Variants in TMEM45A observed in about 807,000 individuals in gnomAD.
The protein encoded by TMEM45A is DNA polymerase-transactivated protein 4.
In TMEM45A, 25 loss-of-function variants were observed where a neutral mutation model predicts 32.0. That is an observed-to-expected ratio of 0.78 (90% CI 0.57 to 1.09). The LOEUF (loss-of-function observed/expected upper bound fraction) is 1.09, where lower values mean the gene tolerates loss of function less well. TMEM45A is among the 50% of genes least tolerant of loss of function. TMEM45A has a pLI of 0.00. For synonymous variants in TMEM45A, 122 were observed against 114.8 expected (o/e 1.06, Z -0.40); for missense variants, 302 against 325.0 (o/e 0.93, Z 0.54).
rs529250469 is a variant in TMEM45A at position 100,506,647 on chromosome 3, CT to C, written c.-4+13720del. Among the ~76,000 whole-genome samples the C allele has an allele frequency of 3.9e-3, 588 of 152,316 alleles. 6 individuals carry two copies. The highest frequency in any genetic ancestry group is 0.012 in the African/African-American group (514 of 41,582). ...ATGAGTGTTTCAGAAAATATTTTTT[CT>C]GTGTTTGACACCTTCAACCTTGCCA... On this transcript the variant is annotated intron_variant, in intron 1 of 5. Coordinates refer to ENST00000323523, the MANE Select transcript of TMEM45A (RefSeq NM_018004.3).
chr3:100,556,640 GAGA>G, intron 2 of TMEM45A, 117 bp from the exon 3 acceptor site: 1 of 983,314 alleles, frequency 1.0e-6, no homozygotes, highest in South Asian at 1.5e-5. Flanking sequence ...ACAGCTCAGA[GAGA>G]AGAATTAATG....
chr3:100,513,036 T>G lies in TMEM45A; in HGVS notation c.-4+20108T>G, dbSNP rs1300495803. On this transcript the variant is annotated intron_variant, in intron 1 of 5. Transcript: ENST00000323523. The stretch of plus-strand genomic sequence containing the variant: ...ACCAGATGGATTCACAGCCGAATTC[T>G]ACCAGAGGTACAAGGAGGAACTGGT... Among the ~76,000 whole-genome samples the G allele has an allele frequency of 7.4e-5, 11 of 149,452 alleles. No homozygotes were observed. The East Asian group carries it at 2.0e-3, about 27-fold the overall frequency.
At chr3:100,575,738 C>T (rs2149000090) in intron 5 of TMEM45A, among the ~76,000 whole-genome samples, 1 of 152,310 alleles carries the variant, frequency 6.6e-6, no homozygotes, top group Non-Finnish European at 1.5e-5. Context: ...CTTAATTCAT[C>T]ATGGCAGAGG....
intron 1 of TMEM45A, among the ~76,000 whole-genome samples, chr3:100,521,091 C>T (rs1705428848): frequency 6.6e-6 from 1 of 152,142 alleles, no homozygotes; most frequent in Non-Finnish European, 1.5e-5. Context: ...AAGTTTAGCG[C>T]GTGAAGCTCT....
intron 1 of TMEM45A, among the ~76,000 whole-genome samples, chr3:100,493,591 A>G (rs1001097903): frequency 6.6e-6 from 1 of 151,694 alleles, no homozygotes; most frequent in African/African-American, 2.4e-5. Flanking sequence ...GTATATATAT[A>G]CTATATAGTA....
intron 5 of TMEM45A, chr3:100,570,541 G>A (rs1202905985): frequency 2.0e-5 from 3 of 152,362 alleles, no homozygotes; most frequent in African/African-American, 7.2e-5. Context: ...TCCAAAGCAT[G>A]TGCATGTGCT....
chr3:100,550,113 T>A (rs1416320757), intron 1 of TMEM45A, among the ~76,000 whole-genome samples: 1 of 147,934 alleles, frequency 6.8e-6, no homozygotes, highest in Non-Finnish European at 1.5e-5. Context: ...AGTTAGTGGG[T>A]GCAGCGCACC....
intron 1 of TMEM45A, among the ~76,000 whole-genome samples, chr3:100,519,832 G>A (rs971971466): frequency 6.6e-6 from 1 of 152,162 alleles, no homozygotes; most frequent in African/African-American, 2.4e-5. Flanking sequence ...CTAGCATTGT[G>A]GGTGGATAGG....
At chr3:100,510,031 G>A (rs80091742) in intron 1 of TMEM45A, among the ~76,000 whole-genome samples, 14 of 152,268 alleles carry the variant, frequency 9.2e-5, no homozygotes, top group African/African-American at 2.9e-4. Context: ...AGGTGGCAGC[G>A]AGGTTGGGGG....
At position 100,558,544 on chromosome 3, in the gene TMEM45A, A is replaced by T. The variant is rs146053874; in HGVS notation, c.543A>T (p.Leu181=). 169 of 1,613,966 alleles carry T rather than the reference A, an allele frequency of 1.0e-4. No homozygotes were observed. Among genetic ancestry groups the T allele is most frequent in the Non-Finnish European group, 1.2e-4 (145 of 1,179,978 alleles). The change falls in exon 4 of 6, where the codon CTA becomes CTT. Residue 181 remains leucine, a synonymous_variant. Coordinates refer to ENST00000323523, the MANE Select transcript of TMEM45A (RefSeq NM_018004.3). ...FLVRNNVLLE[L]LRSSLILLQG... ...TTCGGAACAATGTACTTCTGGAGCT[A>T]TTGCGGTCAAGTCTCATTCTGCTTC...
chr3:100,521,085 T>G (rs1252417197), intron 1 of TMEM45A, among the ~76,000 whole-genome samples: 1 of 152,298 alleles, frequency 6.6e-6, no homozygotes, highest in Admixed American at 6.5e-5. Flanking sequence ...GGAGCAAAGT[T>G]TAGCGCGTGA....
chr3:100,513,198 T>C lies in TMEM45A; in HGVS notation c.-4+20270T>C, dbSNP rs1417303667. Among the ~76,000 whole-genome samples the C allele has an allele frequency of 2.5e-3, 376 of 150,760 alleles. 8 individuals are homozygous for C. The East Asian group carries it at 0.067, about 27-fold the overall frequency. The stretch of plus-strand genomic sequence containing the variant: ...AAAAGAGAATTTTAGACCAATATCC[T>C]TGATGAACATCGATGCAAAAATCCT... On this transcript the variant is annotated intron_variant, in intron 1 of 5. Coordinates refer to ENST00000323523, the MANE Select transcript of TMEM45A (RefSeq NM_018004.3).
At chr3:100,553,610 T>TA (rs1706152500) in intron 1 of TMEM45A, among the ~76,000 whole-genome samples, 4 of 152,288 alleles carry the variant, frequency 2.6e-5, no homozygotes, top group African/African-American at 9.6e-5. Context: ...AACACTGTGA[T>TA]AAAGGTGGTG....
intron 4 of TMEM45A, among the ~76,000 whole-genome samples, chr3:100,567,036 C>T (rs575666840): frequency 6.6e-6 from 1 of 151,770 alleles, no homozygotes; most frequent in East Asian, 1.9e-4. Flanking sequence ...CTTTTGGTGT[C>T]GTAGCTTAAA....
chr3:100,573,507 C>T (rs548993882), intron 5 of TMEM45A: 1 of 152,128 alleles, frequency 6.6e-6, no homozygotes, highest in African/African-American at 2.4e-5. Flanking sequence ...TTGGGCTGAG[C>T]TGATGGGGTT....
At chr3:100,526,961 G>A (rs889900902) in intron 1 of TMEM45A, among the ~76,000 whole-genome samples, 1 of 152,152 alleles carries the variant, frequency 6.6e-6, no homozygotes, top group Admixed American at 6.5e-5. Context: ...GGATGAAGAC[G>A]TAAAAATCTC....
chr3:100,515,410 T>C (rs1304247931), intron 1 of TMEM45A, among the ~76,000 whole-genome samples: 1 of 142,218 alleles, frequency 7.0e-6, no homozygotes, highest in Non-Finnish European at 1.5e-5. Context: ...TTCTCACTCA[T>C]AGGTGGGAAT....
intron 1 of TMEM45A, among the ~76,000 whole-genome samples, chr3:100,536,790 A>G (rs1381291054): frequency 3.9e-5 from 6 of 152,164 alleles, no homozygotes; most frequent in African/African-American, 1.4e-4. Flanking sequence ...GTTCCACTGG[A>G]TAGATGGTTG....
chr3:100,521,893 A>C (rs1179550959), intron 1 of TMEM45A, among the ~76,000 whole-genome samples: 9 of 152,176 alleles, frequency 5.9e-5, no homozygotes, highest in Admixed American at 3.9e-4. Context: ...CTTAGTAGTA[A>C]TGAGGAGTAT....
Sources: allele counts gnomAD v4.1 joint callset (sites outside exome capture counted in the v4.1 genomes callset), GRCh38; gene constraint gnomAD v4.1.1; transcripts MANE v1.5; gene names NCBI Gene and HGNC (gene_info 2026-07-23, HGNC 2026-07-21).